MTF1: variants seen among roughly 807,000 people sequenced by gnomAD.
MTF1 encodes the protein MRE-binding transcription factor.
Under a neutral mutation model 70.4 loss-of-function variants are expected in MTF1, and 22 were observed. The ratio of observed to expected loss-of-function variants is 0.31; its 90% CI spans 0.22 to 0.45. The LOEUF (loss-of-function observed/expected upper bound fraction) is 0.45. MTF1 is among the 20% of genes least tolerant of loss of function. The pLI is 1.00. For missense variants in MTF1, 649 were observed against 922.0 expected (o/e 0.70, Z 3.83); for synonymous variants, 333 against 352.8 (o/e 0.94, Z 0.63).
chr1:37,821,895 C>T (rs906905104), intron 9 of MTF1, among the ~76,000 whole-genome samples: 4 of 151,934 alleles, frequency 2.6e-5, no homozygotes, highest in Admixed American at 2.0e-4. Flanking sequence ...TGTTTGAGTG[C>T]CTCCTGCTAG....
At chr1:37,832,199 A>T in intron 7 of MTF1, 46 bp downstream of exon 7, 1 of 1,321,534 alleles carries the variant, frequency 7.6e-7, no homozygotes, top group Non-Finnish European at 1.1e-6. Context: ...GGAGTGCTTA[A>T]TTCTTGCCCT....
At chr1:37,826,298 T>C (rs1464101894) in intron 7 of MTF1, among the ~76,000 whole-genome samples, 1 of 151,894 alleles carries the variant, frequency 6.6e-6, no homozygotes. Context: ...TTTCCCCCCC[T>C]TTTTTTCAGA....
chr1:37,837,121 C>T (rs1641182906), intron 4 of MTF1, among the ~76,000 whole-genome samples: 1 of 152,126 alleles, frequency 6.6e-6, no homozygotes, highest in African/African-American at 2.4e-5. Flanking sequence ...AGTGTAGTGG[C>T]ATGACCATGG....
At position 37,857,614 on chromosome 1, in the gene MTF1, T is replaced by G. The variant is rs1397643492; in HGVS notation, c.45A>C (p.Ala15=). Residue 15 remains alanine, a synonymous_variant, in exon 2 of 11, where the codon GCA becomes GCC. Transcript: ENST00000373036. ...SPDNNIIYFE[A]EEDELTPDDK... is the part of the protein sequence containing the mutation. ...CATCGGGGGTCAGCTCATCTTCCTC[T>G]GCCTCAAAGTAGATGATGTTGTTGT... 2 of 1,614,116 alleles carry G rather than the reference T, an allele frequency of 1.2e-6. No homozygotes were observed. The highest frequency in any genetic ancestry group is 1.7e-6 in the Non-Finnish European group (2 of 1,180,036).
intron 4 of MTF1, among the ~76,000 whole-genome samples, chr1:37,836,956 T>G (rs1346768215): frequency 6.6e-6 from 1 of 151,480 alleles, no homozygotes; most frequent in African/African-American, 2.4e-5. Context: ...CGGCGGGGAA[T>G]AACCTAAGCT....
chr1:37,832,097 A>G (rs1641095364), intron 7 of MTF1, 148 bp downstream of exon 7: 1 of 590,316 alleles, frequency 1.7e-6, no homozygotes, highest in Non-Finnish European at 3.0e-6. Context: ...AACTCTTATC[A>G]GAAGAAGAAA....
In MTF1 at chr1:37,838,797, CTTTTTTTT is replaced by C. The variant is rs746478428; in HGVS notation, c.648-49_648-42del. The C allele has an allele frequency of 8.6e-5, 41 of 474,674 alleles. 1 individual carries two copies. The highest frequency in any genetic ancestry group is 2.9e-4 in the South Asian group (9 of 31,258). 29.4% of individuals were successfully genotyped at this position (474,674 alleles called of 1,614,324 possible). On this transcript the variant is annotated intron_variant, in intron 3 of 10. Coordinates refer to ENST00000373036, the MANE Select transcript of MTF1 (RefSeq NM_005955.3). ...GAAAAATTCCCTTTGTCATAAAATT[CTTTTTTTT>C]TTTTTTTTTTTTTTCTGAGACAGAG...
In MTF1 at chr1:37,814,209, A is replaced by C. The variant is rs566648872; in HGVS notation, c.*927T>G. 5 of 152,364 alleles carry C rather than the reference A, an allele frequency of 3.3e-5. No homozygotes were observed. The highest frequency in any genetic ancestry group is 1.2e-4 in the African/African-American group (5 of 41,570). 9.4% of individuals were successfully genotyped at this position (152,364 alleles called of 1,614,324 possible). A position where few individuals can be genotyped will look rare whatever the true frequency, so the allele number is the denominator to read the frequency against. The stretch of plus-strand genomic sequence containing the variant: ...AATCTGCACCTTCTTCTGATAAGCA[A>C]AATGCAGCCCTTCTGCTCTGAGGAA... On this transcript the variant is annotated 3_prime_UTR_variant, in exon 11 of 11. Coordinates refer to ENST00000373036, the MANE Select transcript of MTF1 (RefSeq NM_005955.3).
At chr1:37,846,685 G>A (rs762248165) in intron 2 of MTF1, among the ~76,000 whole-genome samples, 7 of 151,904 alleles carry the variant, frequency 4.6e-5, no homozygotes, top group African/African-American at 1.7e-4. Context: ...AAGGTGAATG[G>A]GATAAGCAAA....
chr1:37,847,017 ACACCGG>A (rs562163453), intron 2 of MTF1, among the ~76,000 whole-genome samples: 81 of 152,160 alleles, frequency 5.3e-4, no homozygotes, highest in South Asian at 2.1e-3. Flanking sequence ...TCCATTCCCC[ACACCGG>A]CACTGGTATC....
intron 7 of MTF1, among the ~76,000 whole-genome samples, chr1:37,829,817 C>T (rs1321087680): frequency 4.6e-5 from 7 of 151,934 alleles, no homozygotes; most frequent in African/African-American, 1.2e-4. Flanking sequence ...AAAATTAATC[C>T]TATTGCTTCA....
chr1:37,853,034 C>T (rs1314743325), intron 2 of MTF1, among the ~76,000 whole-genome samples: 2 of 152,224 alleles, frequency 1.3e-5, no homozygotes, highest in Non-Finnish European at 2.9e-5. Context: ...TGATTCTTCC[C>T]ATGAACAAGG....
At chr1:37,825,008 C>T (rs74415767) in intron 7 of MTF1, among the ~76,000 whole-genome samples, 14,129 of 152,226 alleles carry the variant, frequency 0.093, 848 homozygotes, top group Middle Eastern at 0.24. Context: ...TACAGTTCTT[C>T]TATCCATGGT....
intron 2 of MTF1, among the ~76,000 whole-genome samples, chr1:37,845,525 G>A (rs571950610): frequency 6.6e-6 from 1 of 152,250 alleles, no homozygotes; most frequent in African/African-American, 2.4e-5. Flanking sequence ...TTGACTGATT[G>A]AATAGATGGA....
In MTF1 at chr1:37,811,046, A is replaced by G. The variant is rs1245878827; in HGVS notation, c.*4090T>C. Reference sequence around the variant, plus strand: ...TTCAATCACTCTGGAAAAGTCTTTAAGGACAATGGATGTGATTACAAATAT... The same window carrying G: ...TTCAATCACTCTGGAAAAGTCTTTAGGGACAATGGATGTGATTACAAATAT... On this transcript the variant is annotated 3_prime_UTR_variant, in exon 11 of 11. Coordinates refer to ENST00000373036, the MANE Select transcript of MTF1 (RefSeq NM_005955.3). 1 of 152,670 alleles carries G rather than the reference A, an allele frequency of 6.6e-6. No homozygotes were observed. The highest frequency in any genetic ancestry group is 1.9e-4 in the East Asian group (1 of 5,206). 9.5% of individuals were successfully genotyped at this position (152,670 alleles called of 1,614,324 possible). A position where few individuals can be genotyped will look rare whatever the true frequency, so the allele number is the denominator to read the frequency against.
At chr1:37,825,708 G>A (rs75771350) in intron 7 of MTF1, among the ~76,000 whole-genome samples, 4,275 of 151,998 alleles carry the variant, frequency 0.028, 209 homozygotes, top group African/African-American at 0.098. Flanking sequence ...CTCTTCCTCC[G>A]CCTACTCAAT....
rs1569834245 is a variant in MTF1, at chr1:37,811,099, C to T, written c.*4037G>A. The T allele has an allele frequency of 1.3e-5, 2 of 152,792 alleles. No homozygotes were observed. Among genetic ancestry groups the T allele is most frequent in the East Asian group, 3.9e-4 (2 of 5,194 alleles). 9.5% of individuals were successfully genotyped at this position (152,792 alleles called of 1,614,324 possible). On this transcript the variant is annotated 3_prime_UTR_variant, in exon 11 of 11. Coordinates refer to ENST00000373036, the MANE Select transcript of MTF1 (RefSeq NM_005955.3). The stretch of plus-strand genomic sequence containing the variant: ...AAGTCTAGAAGGTGCCAGGTTTCTA[C>T]CTAGGAACAATCTGTTCCTTCCTTT...
At chr1:37,846,391 TAAAA>T (rs370112178) in intron 2 of MTF1, among the ~76,000 whole-genome samples, 1 of 113,286 alleles carries the variant, frequency 8.8e-6, no homozygotes, top group Non-Finnish European at 1.9e-5. Context: ...AGACCCCATT[TAAAA>T]AAAAAAAAAA....
chr1:37,840,160 T>G lies in MTF1; in HGVS notation c.409-2A>C. 1 of 1,613,842 alleles carries G rather than the reference T, an allele frequency of 6.2e-7. No homozygotes were observed. Among genetic ancestry groups the G allele is most frequent in the Non-Finnish European group, 8.5e-7 (1 of 1,179,872 alleles). On this transcript the variant is annotated splice_acceptor_variant, in intron 2 of 10. Transcript: ENST00000373036. LOFTEE classifies it high-confidence loss of function. This position sits in a 1 kb window ranked among gnomAD's most constrained non-coding sequence, Gnocchi z 4.5. ...AAAGGTACATTGGTACCGCTTTACC[T>G]GGCAGAGAAAAGATACCTCATCAAC...
Sources: allele counts gnomAD v4.1 joint callset (sites outside exome capture counted in the v4.1 genomes callset), GRCh38; gene constraint gnomAD v4.1.1; non-coding constraint Gnocchi (gnomAD v3.1); transcripts MANE v1.5; gene names NCBI Gene and HGNC (gene_info 2026-07-23, HGNC 2026-07-21).